Variants in SPP1 observed in about 807,000 individuals in gnomAD.
The protein encoded by SPP1 is secreted phosphoprotein 1.
In SPP1, 18 loss-of-function variants were observed where a neutral mutation model predicts 20.8. That is an observed-to-expected ratio of 0.87 (90% CI 0.60 to 1.29). The LOEUF is 1.29. Ranked by LOEUF, SPP1 falls within the 50% of genes most tolerant of loss-of-function variation. The pLI, the probability that SPP1 is intolerant of heterozygous loss-of-function variation, is 0.00. For missense variants in SPP1, 363 were observed against 389.0 expected (o/e 0.93, Z 0.56); for synonymous variants, 146 against 141.5 (o/e 1.03, Z -0.23).
rs968739305 is a variant in SPP1 at position 87,981,939 on chromosome 4, T to C, written c.540+141T>C. On this transcript the variant is annotated intron_variant, in intron 6 of 6. Transcript: ENST00000395080. ...CATTCATATTCTACTTTATGACCAT[T>C]GAATACAAATCTTTTTCTGCTTGGC... 2.1e-5 allele frequency: 16 copies of C among 764,008 alleles called. No homozygotes were observed. In the African/African-American group the frequency reaches 2.6e-4, roughly 13 times the overall value. The allele number at this position is 764,008 out of a possible 1,614,324, so 47.3% of individuals were successfully genotyped here.
Position 87,982,602 on chromosome 4 carries a change from G to C in SPP1, c.651G>C (p.Trp217Cys). The part of the protein sequence containing the change: ...VAQDLNAPSD[W>C]DSRGKDSYET... ...AGGACCTGAACGCGCCTTCTGATTGGGACAGCCGTGGGAAGGACAGTTATG... is the reference window on the plus strand; with the variant it reads ...AGGACCTGAACGCGCCTTCTGATTGCGACAGCCGTGGGAAGGACAGTTATG... Residue 217 changes from tryptophan (W) to cysteine (C), a missense_variant, in exon 7 of 7, where the codon TGG (tryptophan) becomes TGC (cysteine). By Grantham distance (215) the Trp-to-Cys change is radical. Coordinates refer to ENST00000395080, the MANE Select transcript of SPP1 (RefSeq NM_001040058.2). 6.2e-7 allele frequency: 1 copy of C among 1,614,068 alleles called. No homozygotes were observed. The highest frequency in any genetic ancestry group is 8.5e-7 in the Non-Finnish European group (1 of 1,180,024).
Position 87,983,093 on chromosome 4 carries a change from C to T in SPP1, c.*197C>T. The T allele has an allele frequency of 1.8e-6, 1 of 570,070 alleles. No individual in the cohort carries two copies. Among genetic ancestry groups the T allele is most frequent in the Non-Finnish European group, 3.0e-6 (1 of 331,604 alleles). The allele number at this position is 570,070 out of a possible 1,614,324, so 35.3% of individuals were successfully genotyped here. ...ATGGAAACTCCCTGTAAACTAAAAG[C>T]TTCAGGGTTATGTCTATGTTCATTC... On this transcript the variant is annotated 3_prime_UTR_variant, in exon 7 of 7. Transcript: ENST00000395080.
intron 5 of SPP1, 101 bp downstream of exon 5, chr4:87,980,535 C>A: frequency 1.5e-6 from 2 of 1,294,182 alleles, no homozygotes; most frequent in South Asian, 2.7e-5. Context: ...GCAAGTTTTC[C>A]AGCTAATTGG....
chr4:87,976,251 T>C (rs1725372501), intron 1 of SPP1, among the ~76,000 whole-genome samples: 1 of 152,212 alleles, frequency 6.6e-6, no homozygotes, highest in African/African-American at 2.4e-5. Context: ...AATTTAGCTG[T>C]TAAAATATTC....
Position 87,982,980 on chromosome 4 carries a change from C to T in SPP1, c.*84C>T. 4 of 1,297,830 alleles carry T rather than the reference C, an allele frequency of 3.1e-6. No individual in the cohort carries two copies. Among genetic ancestry groups the T allele is most frequent in the South Asian group, 1.5e-5 (1 of 64,910 alleles). 80.4% of individuals were successfully genotyped at this position (1,297,830 alleles called of 1,614,324 possible). ...GCAAAATGAAAGAGAACATGAAATG[C>T]TTCTTTCTCAGTTTATTGGTTGAAT... On this transcript the variant is annotated 3_prime_UTR_variant, in exon 7 of 7. Transcript: ENST00000395080.
chr4:87,982,665 C>T lies in SPP1; in HGVS notation c.714C>T (p.His238=). 1 of 1,614,106 alleles carries T rather than the reference C, an allele frequency of 6.2e-7. No individual in the cohort carries two copies. Among genetic ancestry groups the T allele is most frequent in the Middle Eastern group, 1.6e-4 (1 of 6,062 alleles). ...TGGATGACCAGAGTGCTGAAACCCACAGCCACAAGCAGTCCAGATTATATA... is the reference window on the plus strand; with the variant it reads ...TGGATGACCAGAGTGCTGAAACCCATAGCCACAAGCAGTCCAGATTATATA... The part of the protein sequence containing the change: ...SQLDDQSAET[H]SHKQSRLYKR... Residue 238 remains histidine, a synonymous_variant, in exon 7 of 7, where the codon CAC becomes CAT. Transcript: ENST00000395080.
In SPP1 at chr4:87,980,122, C is replaced by T. The variant is rs1225510546; in HGVS notation, c.170C>T (p.Pro57Leu). Residue 57 changes from proline (P) to leucine (L), a missense_variant, in exon 4 of 7, where the codon CCA (proline) becomes CTA (leucine). Transcript: ENST00000395080. The part of the protein sequence containing the change: ...DPSQKQNLLA[P>L]QNAVSSEETN... ...TCTCAGAAGCAGAATCTCCTAGCCCCACAGGTATTTTTAAACTTCTCATAA... is the reference window on the plus strand; with the variant it reads ...TCTCAGAAGCAGAATCTCCTAGCCCTACAGGTATTTTTAAACTTCTCATAA... The T allele has an allele frequency of 6.2e-7, 1 of 1,614,122 alleles. No homozygotes were observed. The highest frequency in any genetic ancestry group is 2.2e-5 in the East Asian group (1 of 44,876).
intron 3 of SPP1, chr4:87,977,732 C>G: frequency 7.8e-7 from 1 of 1,281,716 alleles, no homozygotes; most frequent in Non-Finnish European, 1.0e-6. Flanking sequence ...GGCATTGTCC[C>G]CAGAAGCTTG....
intron 3 of SPP1, chr4:87,977,834 T>C (rs1578100796): frequency 1.6e-6 from 2 of 1,267,792 alleles, no homozygotes; most frequent in East Asian, 5.7e-5. Context: ...GACTGCTTAA[T>C]GAAGACATTA....
chr4:87,977,771 A>G (rs573317809), intron 3 of SPP1: 11 of 1,286,386 alleles, frequency 8.6e-6, no homozygotes, highest in Non-Finnish European at 1.1e-5. Flanking sequence ...GTTCAATTCC[A>G]GTTGAACAGA....
Position 87,977,105 on chromosome 4 carries a change from T to G in SPP1, c.93+8T>G. The G allele has an allele frequency of 6.2e-7, 1 of 1,612,748 alleles. No individual in the cohort carries two copies. Among genetic ancestry groups the G allele is most frequent in the Non-Finnish European group, 8.5e-7 (1 of 1,179,654 alleles). ...AGTTCTGAGGAAAAGCAGGTAAGCA[T>G]CTTTTATGTTTTTATATAGTTAAAT... On this transcript the variant is annotated splice_region_variant and intron_variant, in intron 3 of 6. Transcript: ENST00000395080.
intron 4 of SPP1, 128 bp downstream of exon 4, chr4:87,980,254 C>A: frequency 6.9e-7 from 1 of 1,455,190 alleles, no homozygotes; most frequent in East Asian, 2.3e-5. Flanking sequence ...ACTGATCTGC[C>A]ATGTTGGCTT....
At position 87,982,798 on chromosome 4, in the gene SPP1, G is replaced by A. The variant is rs867038723; in HGVS notation, c.847G>A (p.Asp283Asn). The A allele has an allele frequency of 2.5e-6, 4 of 1,614,190 alleles. No homozygotes were observed. The highest frequency in any genetic ancestry group is 2.7e-5 in the African/African-American group (2 of 75,048). Residue 283 changes from aspartate (D) to asparagine (N), a missense_variant, in exon 7 of 7, where the codon GAT (aspartate) becomes AAT (asparagine). Transcript: ENST00000395080. The part of the protein sequence containing the change: ...FHSHEFHSHE[D>N]MLVVDPKSKE... ...CAGCCATGAATTTCACAGCCATGAA[G>A]ATATGCTGGTTGTAGACCCCAAAAG... is the stretch of plus-strand genomic sequence containing the variant.
intron 3 of SPP1, chr4:87,977,562 T>G: frequency 1.5e-6 from 1 of 674,522 alleles, no homozygotes; most frequent in Non-Finnish European, 1.9e-6. Context: ...AAAGTCTATG[T>G]GTGCTGTTTG....
Position 87,982,722 on chromosome 4 carries a change from T to C in SPP1, c.771T>C (p.His257=), listed in dbSNP as rs1248729858. The change falls in exon 7 of 7, where the codon CAT becomes CAC. Residue 257 remains histidine, a synonymous_variant. Transcript: ENST00000395080. ...AAGCCAATGATGAGAGCAATGAGCA[T>C]TCCGATGTGATTGATAGTCAGGAAC... ...KRKANDESNE[H]SDVIDSQELS... 6.2e-7 allele frequency: 1 copy of C among 1,614,042 alleles called. No individual in the cohort carries two copies. The highest frequency in any genetic ancestry group is 1.3e-5 in the African/African-American group (1 of 74,930).
intron 3 of SPP1, 119 bp from the exon 4 acceptor site, chr4:87,979,927 G>C (rs902130510): frequency 1.1e-6 from 1 of 876,660 alleles, no homozygotes; most frequent in Non-Finnish European, 1.7e-6. Context: ...ATTACAAAAA[G>C]GTACCTAAGG....
Position 87,981,594 on chromosome 4 carries a change from T to C in SPP1, c.336T>C (p.Asp112=). 6.2e-7 allele frequency: 1 copy of C among 1,614,214 alleles called. No homozygotes were observed. Among genetic ancestry groups the C allele is most frequent in the Non-Finnish European group, 8.5e-7 (1 of 1,180,042 alleles). The change falls in exon 6 of 7, where the codon GAT becomes GAC. Residue 112 remains aspartate, a synonymous_variant. Transcript: ENST00000395080. ...ACTCGAACGACTCTGATGATGTAGA[T>C]GACACTGATGATTCTCACCAGTCTG... ...SIDSNDSDDV[D]DTDDSHQSDE...
At position 87,982,485 on chromosome 4, in the gene SPP1, G is replaced by C; in HGVS notation, c.541-7G>C. The C allele has an allele frequency of 6.2e-7, 1 of 1,608,484 alleles. No homozygotes were observed. Among genetic ancestry groups the C allele is most frequent in the Non-Finnish European group, 8.5e-7 (1 of 1,175,946 alleles). On this transcript the variant is annotated splice_region_variant and splice_polypyrimidine_tract_variant and intron_variant, in intron 6 of 6. Coordinates refer to ENST00000395080, the MANE Select transcript of SPP1 (RefSeq NM_001040058.2). Reference sequence around the variant, plus strand: ...TATAATTATTCTTCATTTGTGCCGTGATTCAGTACCCTGATGCTACAGACG... The same window carrying C: ...TATAATTATTCTTCATTTGTGCCGTCATTCAGTACCCTGATGCTACAGACG...
intron 3 of SPP1, among the ~76,000 whole-genome samples, chr4:87,979,064 T>G (rs1223378636): frequency 6.6e-6 from 1 of 152,206 alleles, no homozygotes; most frequent in East Asian, 1.9e-4. Context: ...GTGCAATGAT[T>G]TTAATATTAT....
Sources: allele counts gnomAD v4.1 joint callset (sites outside exome capture counted in the v4.1 genomes callset), GRCh38; gene constraint gnomAD v4.1.1; transcripts MANE v1.5; gene names NCBI Gene and HGNC (gene_info 2026-07-23, HGNC 2026-07-21).